Variants in MYH9 observed in about 807,000 individuals in gnomAD.
MYH9 encodes myosin-9.
A neutral mutation model predicts 241.9 loss-of-function variants in MYH9; 29 were observed. The observed-to-expected ratio is 0.12, with a 90% CI of 0.09 to 0.16. The LOEUF (loss-of-function observed/expected upper bound fraction) is 0.16. Ranked by LOEUF, MYH9 falls within the 10% of genes least tolerant of loss-of-function variation. The pLI, the probability that MYH9 is intolerant of heterozygous loss-of-function variation, is 1.00. For synonymous variants in MYH9, 1,047 were observed against 1,062.6 expected, an observed-to-expected ratio of 0.99 and a Z score of 0.29; for missense variants, 1,803 against 2,595.5, an observed-to-expected ratio of 0.69 and a Z score of 6.63.
intron 18 of MYH9, among the ~76,000 whole-genome samples, chr22:36,304,617 G>C (rs1370764612): frequency 6.6e-6 from 1 of 152,208 alleles, no homozygotes; most frequent in African/African-American, 2.4e-5. Context: ...CCAGCACTGC[G>C]CTAGGGCTGG....
rs1308862965 is a variant in MYH9, at chr22:36,301,578, C to A, written c.2587G>T (p.Ala863Ser). The A allele has an allele frequency of 2.5e-6, 4 of 1,613,884 alleles. No individual in the cohort carries two copies. The highest frequency in any genetic ancestry group is 3.4e-6 in the Non-Finnish European group (4 of 1,180,044). The change falls in exon 21 of 41, where the codon GCT becomes TCT. Residue 863 changes from alanine to serine, a missense_variant. Physicochemically the swap from Ala to Ser is moderately conservative, Grantham distance 99. Around this residue, in one of 11 missense-constraint regions of MYH9, gnomAD observed 290 missense variants for 360.5 expected, o/e 0.80. Transcript: ENST00000216181. ...ELVKVREKQLAAENRLTEMET... is the reference protein window; with the variant it reads ...ELVKVREKQLSAENRLTEMET... ...ATCTCCGTGAGCCTGTTCTCCGCAGCCAGCTGCTTCTCTCTGACCTTCACC... is the reference window on the plus strand; with the variant it reads ...ATCTCCGTGAGCCTGTTCTCCGCAGACAGCTGCTTCTCTCTGACCTTCACC...
At chr22:36,292,329 C>T (rs564001871) in intron 30 of MYH9, 95 bp from the exon 31 acceptor site, 35 of 1,531,530 alleles carry the variant, frequency 2.3e-5, no homozygotes, top group African/African-American at 1.2e-4. Context: ...CCTGCCACAC[C>T]GTGGAAGGGG....
At chr22:36,291,780 C>T (rs1021503161) in intron 31 of MYH9, among the ~76,000 whole-genome samples, 2 of 151,804 alleles carry the variant, frequency 1.3e-5, no homozygotes, top group African/African-American at 2.4e-5. Context: ...CTCCTCAACC[C>T]ATCGCATGAA....
Position 36,304,122 on chromosome 22 carries a change from G to A in MYH9, c.2263C>T (p.Arg755Cys), listed in dbSNP as rs768721880. The A allele has an allele frequency of 6.8e-6, 11 of 1,613,534 alleles. No homozygotes were observed. Among genetic ancestry groups the A allele is most frequent in the East Asian group, 2.2e-5 (1 of 44,890 alleles). ...AAGAAGACTTTGCTCTGGCCAATGCGGTACAGATTGCTGTCGAGCTCCAGG... is the reference window on the plus strand; with the variant it reads ...AAGAAGACTTTGCTCTGGCCAATGCAGTACAGATTGCTGTCGAGCTCCAGG... ...KALELDSNLY[R>C]IGQSKVFFRA... The change falls in exon 19 of 41, where the codon CGC becomes TGC. Residue 755 changes from arginine (R) to cysteine (C), a missense_variant. Coordinates refer to ENST00000216181, the MANE Select transcript of MYH9 (RefSeq NM_002473.6).
chr22:36,320,840 T>C lies in MYH9; in HGVS notation c.826A>G (p.Ile276Val). The C allele has an allele frequency of 1.2e-6, 2 of 1,614,136 alleles. No homozygotes were observed. Among genetic ancestry groups the C allele is most frequent in the Non-Finnish European group, 1.7e-6 (2 of 1,180,000 alleles). ...GCCCCAGACAGGAGATAATAGAAGA[T>C]GTGGAAGGTCCGTTCTTCCTTGGCT... is the stretch of plus-strand genomic sequence containing the variant. ...RQAKEERTFH[I>V]FYYLLSGAGE... Residue 276 changes from isoleucine (I) to valine (V), a missense_variant, in exon 8 of 41, where the codon ATC (isoleucine) becomes GTC (valine). Physicochemically the swap from Ile to Val is conservative, Grantham distance 29 (BLOSUM62 3). Transcript: ENST00000216181. The surrounding 1 kb of genome is among the most constrained non-coding windows in gnomAD (Gnocchi z 4.8).
intron 2 of MYH9, among the ~76,000 whole-genome samples, chr22:36,345,083 C>G (rs978517978): frequency 1.3e-5 from 2 of 151,976 alleles, no homozygotes; most frequent in Non-Finnish European, 2.9e-5. Context: ...GAGGCCGAGG[C>G]GGGAGGATCA....
intron 1 of MYH9, among the ~76,000 whole-genome samples, chr22:36,380,630 A>G (rs2146427002): frequency 6.6e-6 from 1 of 152,188 alleles, no homozygotes. Context: ...AATCCCAGCT[A>G]CTCGGGAGGC....
At chr22:36,331,757 G>A (rs142545754) in intron 3 of MYH9, among the ~76,000 whole-genome samples, 1 of 152,342 alleles carries the variant, frequency 6.6e-6, no homozygotes, top group Non-Finnish European at 1.5e-5. Context: ...GCATGGAGCA[G>A]CTCTCTCGGG....
Position 36,377,248 on chromosome 22 carries a change from G to A in MYH9, c.-20+10559C>T, listed in dbSNP as rs576475691. Among the ~76,000 whole-genome samples the A allele has an allele frequency of 2.6e-5, 4 of 152,222 alleles. No individual in the cohort carries two copies. In the South Asian group the frequency reaches 8.3e-4, roughly 32 times the overall value. Reference sequence around the variant, plus strand: ...AAATCTTCTCCCCGATTCTGGCCCAGTTAGATTAAGTCACCCAGACTGTCC... The same window carrying A: ...AAATCTTCTCCCCGATTCTGGCCCAATTAGATTAAGTCACCCAGACTGTCC... On this transcript the variant is annotated intron_variant, in intron 1 of 40. Coordinates refer to ENST00000216181, the MANE Select transcript of MYH9 (RefSeq NM_002473.6).
chr22:36,368,377 T>C (rs1229557096), intron 1 of MYH9, among the ~76,000 whole-genome samples: 2 of 152,212 alleles, frequency 1.3e-5, no homozygotes, highest in Admixed American at 6.5e-5. Context: ...CCGGTGTCTG[T>C]ACCCTGCAGG....
intron 3 of MYH9, among the ~76,000 whole-genome samples, chr22:36,340,752 A>C (rs568351603): frequency 1.1e-4 from 17 of 152,050 alleles, no homozygotes; most frequent in African/African-American, 3.9e-4. Context: ...CCGTGGACTT[A>C]GCAACACACA....
chr22:36,292,520 C>T (rs537038387), intron 30 of MYH9, among the ~76,000 whole-genome samples: 104 of 152,338 alleles, frequency 6.8e-4, no homozygotes, highest in African/African-American at 2.4e-3. Context: ...TCTTGCTCTA[C>T]GGAGACTGCT....
At chr22:36,310,769 G>C (rs1469196588) in intron 14 of MYH9, among the ~76,000 whole-genome samples, 2 of 152,140 alleles carry the variant, frequency 1.3e-5, no homozygotes, top group Admixed American at 1.3e-4. Flanking sequence ...TGGGCTTTAG[G>C]GTATTCCTAA....
intron 3 of MYH9, among the ~76,000 whole-genome samples, chr22:36,332,820 G>T (rs1322295499): frequency 3.3e-5 from 5 of 152,034 alleles, no homozygotes; most frequent in Non-Finnish European, 7.4e-5. Context: ...GCCAGAAACA[G>T]CACTGCTGTT....
intron 3 of MYH9, among the ~76,000 whole-genome samples, chr22:36,332,829 T>G (rs1267170941): frequency 6.6e-6 from 1 of 151,998 alleles, no homozygotes; most frequent in East Asian, 1.9e-4. Flanking sequence ...AGCACTGCTG[T>G]TTCTGTGGGT....
In MYH9 at chr22:36,305,133, T is replaced by C. The variant is rs1327199114; in HGVS notation, c.2160-31A>G. On this transcript the variant is annotated intron_variant, in intron 17 of 40. Coordinates refer to ENST00000216181, the MANE Select transcript of MYH9 (RefSeq NM_002473.6). The surrounding 1 kb of genome is among the most constrained non-coding windows in gnomAD (Gnocchi z 4.7). ...GAAGGAAAGAGAAGCCTGGTCATTT[T>C]ACCCATTGCCTCGATTCCACATGCC... The C allele has an allele frequency of 6.3e-7, 1 of 1,579,690 alleles. No individual in the cohort carries two copies. The highest frequency in any genetic ancestry group is 8.7e-7 in the Non-Finnish European group (1 of 1,148,712).
chr22:36,362,531 CG>C (rs2017950277), intron 1 of MYH9, among the ~76,000 whole-genome samples: 1 of 152,132 alleles, frequency 6.6e-6, no homozygotes, highest in Non-Finnish European at 1.5e-5. Flanking sequence ...CTCTGTTGCC[CG>C]GGCTGGAGTG....
chr22:36,332,509 A>G (rs1241695799), intron 3 of MYH9, among the ~76,000 whole-genome samples: 2 of 151,926 alleles, frequency 1.3e-5, no homozygotes, highest in Non-Finnish European at 2.9e-5. Context: ...CAGCATCCAC[A>G]CCAGAAGCCA....
At chr22:36,353,310 C>T (rs998233756) in intron 1 of MYH9, among the ~76,000 whole-genome samples, 1 of 152,146 alleles carries the variant, frequency 6.6e-6, no homozygotes, top group Non-Finnish European at 1.5e-5. Flanking sequence ...ACACAGCAGC[C>T]AGCGTGCAGC....
Sources: gnomAD v4.1 joint callset for allele counts (sites outside exome capture counted in the v4.1 genomes callset) on GRCh38, gnomAD v4.1.1 for gene constraint, gnomAD v4.1.1 regional missense constraint, Gnocchi (gnomAD v3.1) non-coding constraint, MANE v1.5 for transcripts, NCBI Gene and HGNC (gene_info 2026-07-23, HGNC 2026-07-21) for gene names.